Variants in LRRC4C observed in about 807,000 individuals in gnomAD.
LRRC4C encodes the protein leucine rich repeat containing 4C.
In LRRC4C, 5 loss-of-function variants were observed where a neutral mutation model predicts 33.6. The ratio of observed to expected loss-of-function variants is 0.15; its 90% CI spans 0.08 to 0.31. The LOEUF (loss-of-function observed/expected upper bound fraction) is 0.31. LRRC4C is among the 10% of genes least tolerant of loss of function. The pLI is 1.00. For missense variants in LRRC4C, 560 were observed against 796.7 expected, an observed-to-expected ratio of 0.70 and a Z score of 3.58; for synonymous variants, 329 against 302.0, an observed-to-expected ratio of 1.09 and a Z score of -0.93.
chr11:40,848,095 A>T (rs565718069), intron 2 of LRRC4C, among the ~76,000 whole-genome samples: 49 of 149,654 alleles, frequency 3.3e-4, no homozygotes, highest in Admixed American at 1.0e-3. Flanking sequence ...CTTTTTTTTT[A>T]AAAAAAGCCC....
intron 2 of LRRC4C, among the ~76,000 whole-genome samples, chr11:40,821,256 A>T (rs1951915273): frequency 6.6e-6 from 1 of 151,750 alleles, no homozygotes; most frequent in Non-Finnish European, 1.5e-5. Flanking sequence ...ACTCTACCAA[A>T]ATTCCCATGC....
At chr11:40,686,777 C>A (rs1393103111) in intron 2 of LRRC4C, among the ~76,000 whole-genome samples, 1 of 151,732 alleles carries the variant, frequency 6.6e-6, no homozygotes, top group African/African-American at 2.4e-5. Flanking sequence ...CTATTATAAC[C>A]ATATTATAGG....
Position 41,341,191 on chromosome 11 carries a change from TA to T in LRRC4C, c.-496+118239del, listed in dbSNP as rs1395054851. On this transcript the variant is annotated intron_variant, in intron 1 of 6. Coordinates refer to ENST00000528697, the MANE Select transcript of LRRC4C (RefSeq NM_001258419.2). ...TGAGGATGTTACTTAAGAAAACAAG[TA>T]CCAGAGAAAAAGACTGATAGCTCTC... Among the ~76,000 whole-genome samples, 241 of 151,932 alleles carry T rather than the reference TA, an allele frequency of 1.6e-3. 6 individuals are homozygous for T. Among genetic ancestry groups the T allele is most frequent in the Non-Finnish European group, 4.7e-4 (32 of 67,970 alleles).
At chr11:41,227,814 A>G (rs1947610219) in intron 1 of LRRC4C, among the ~76,000 whole-genome samples, 1 of 152,102 alleles carries the variant, frequency 6.6e-6, no homozygotes, top group Non-Finnish European at 1.5e-5. Flanking sequence ...TTACATTCCA[A>G]AGTTTTTCTA....
chr11:40,949,442 A>C (rs1215700636), intron 1 of LRRC4C, among the ~76,000 whole-genome samples: 1 of 152,122 alleles, frequency 6.6e-6, no homozygotes, highest in Non-Finnish European at 1.5e-5. Context: ...AAATGAAGGA[A>C]AAAATGTTAA....
chr11:41,186,352 G>T (rs1034726756), intron 1 of LRRC4C, among the ~76,000 whole-genome samples: 3 of 152,144 alleles, frequency 2.0e-5, no homozygotes, highest in Non-Finnish European at 4.4e-5. Context: ...AAATATAGCT[G>T]CTGTGGAAAA....
intron 3 of LRRC4C, among the ~76,000 whole-genome samples, chr11:40,626,419 C>A (rs11035971): frequency 3.3e-5 from 5 of 151,906 alleles, no homozygotes; most frequent in South Asian, 2.1e-4. Context: ...CTGTCTCCAC[C>A]TATTCAAAAG....
intron 5 of LRRC4C, among the ~76,000 whole-genome samples, chr11:40,144,619 G>A (rs1181684831): frequency 1.3e-5 from 2 of 152,154 alleles, no homozygotes; most frequent in East Asian, 3.8e-4. Flanking sequence ...TTGAAAAATT[G>A]TTTCATGTGT....
At chr11:40,451,955 G>A (rs559379488) in intron 3 of LRRC4C, among the ~76,000 whole-genome samples, 14 of 152,260 alleles carry the variant, frequency 9.2e-5, no homozygotes, top group Non-Finnish European at 1.8e-4. Flanking sequence ...GACAGTGGGT[G>A]CAGCACACAG....
chr11:40,916,426 T>C (rs1362112755), intron 2 of LRRC4C, among the ~76,000 whole-genome samples: 1 of 152,094 alleles, frequency 6.6e-6, no homozygotes, highest in African/African-American at 2.4e-5. Context: ...AACCCATCAT[T>C]CTCAGCAAAC....
chr11:40,131,279 T>C (rs1439524044), intron 6 of LRRC4C, among the ~76,000 whole-genome samples: 1 of 152,174 alleles, frequency 6.6e-6, no homozygotes, highest in Non-Finnish European at 1.5e-5. Flanking sequence ...TTAGTTTAAA[T>C]GGCAAAGAGA....
At chr11:40,280,628 C>T (rs1007481498) in intron 4 of LRRC4C, among the ~76,000 whole-genome samples, 2 of 152,102 alleles carry the variant, frequency 1.3e-5, no homozygotes, top group Non-Finnish European at 2.9e-5. Flanking sequence ...CAGGAACCTT[C>T]CAGAGACCTG....
At chr11:41,247,239 T>C (rs1948483207) in intron 1 of LRRC4C, among the ~76,000 whole-genome samples, 2 of 152,248 alleles carry the variant, frequency 1.3e-5, no homozygotes, top group African/African-American at 4.8e-5. Flanking sequence ...AACCCCTCTG[T>C]TGCTTTGGCT....
chr11:40,920,924 G>GA (rs1957145650), intron 2 of LRRC4C, among the ~76,000 whole-genome samples: 1 of 145,206 alleles, frequency 6.9e-6, no homozygotes, highest in Admixed American at 7.0e-5. Flanking sequence ...CATAATCAAG[G>GA]TTTTTTTTTT....
intron 2 of LRRC4C, among the ~76,000 whole-genome samples, chr11:40,880,593 C>CTA (rs1428171859): frequency 2.7e-5 from 4 of 148,612 alleles, no homozygotes; most frequent in Non-Finnish European, 4.4e-5. Context: ...AATTATATTG[C>CTA]TATAGTATTA....
At chr11:40,363,349 T>C (rs993651796) in intron 3 of LRRC4C, among the ~76,000 whole-genome samples, 2 of 152,056 alleles carry the variant, frequency 1.3e-5, no homozygotes, top group Non-Finnish European at 2.9e-5. Flanking sequence ...GGCAGCTAAA[T>C]GATGAGAACA....
intron 3 of LRRC4C, among the ~76,000 whole-genome samples, chr11:40,331,158 G>A (rs904012939): frequency 1.3e-5 from 2 of 152,156 alleles, no homozygotes; most frequent in African/African-American, 4.8e-5. Flanking sequence ...GGAGAAAAGG[G>A]AACTTTTATA....
chr11:40,865,083 T>C (rs1297850942), intron 2 of LRRC4C, among the ~76,000 whole-genome samples: 1 of 152,196 alleles, frequency 6.6e-6, no homozygotes, highest in African/African-American at 2.4e-5. Flanking sequence ...AGAGATGTTT[T>C]CCACATGCTA....
intron 5 of LRRC4C, among the ~76,000 whole-genome samples, chr11:40,219,470 G>C (rs1391445613): frequency 6.6e-6 from 1 of 152,114 alleles, no homozygotes; most frequent in Non-Finnish European, 1.5e-5. Flanking sequence ...CGAGTACTTA[G>C]AACAATCCTT....
Sources: allele counts gnomAD v4.1 joint callset (sites outside exome capture counted in the v4.1 genomes callset), GRCh38; gene constraint gnomAD v4.1.1; transcripts MANE v1.5; gene names NCBI Gene and HGNC (gene_info 2026-07-23, HGNC 2026-07-21).